The following MAP4 variants were observed in gnomAD, a reference collection of about 807,000 sequenced individuals.
MAP4 encodes microtubule associated protein 4.
A neutral mutation model predicts 170.2 loss-of-function variants in MAP4; 76 were observed. The ratio of observed to expected loss-of-function variants is 0.45; its 90% CI spans 0.37 to 0.54. The LOEUF (loss-of-function observed/expected upper bound fraction) is 0.54. MAP4 is among the 20% of genes least tolerant of loss of function. MAP4 has a pLI of 0.00. For missense variants in MAP4, 2,506 were observed against 2,748.0 expected (o/e 0.91, Z 1.97); for synonymous variants, 909 against 994.5 (o/e 0.91, Z 1.62).
At chr3:48,021,935 C>A (rs906483667) in intron 1 of MAP4, among the ~76,000 whole-genome samples, 3 of 152,068 alleles carry the variant, frequency 2.0e-5, no homozygotes, top group African/African-American at 7.2e-5. Flanking sequence ...GTGGTACCTG[C>A]ACAATCACCA....
chr3:48,013,180 C>T (rs1365525140), intron 1 of MAP4, among the ~76,000 whole-genome samples: 1 of 151,920 alleles, frequency 6.6e-6, no homozygotes, highest in African/African-American at 2.4e-5. Context: ...ACTTACTATT[C>T]GGTTATGCCT....
Position 47,916,275 on chromosome 3 carries a change from T to C in MAP4, c.1552A>G (p.Lys518Glu). ...GTTTCTGGAGGTGGAGTCACATCCT[T>C]GCCCAGAGCCATTTCTGTTTCTGAT... is the stretch of plus-strand genomic sequence containing the variant. ...PLSETEMALGKDVTPPPETEV... is the reference protein window; with the variant it reads ...PLSETEMALGEDVTPPPETEV... Residue 518 changes from lysine to glutamate, a missense_variant, in exon 7 of 21, where the codon AAG becomes GAG. Lys to Glu is a moderately conservative substitution (Grantham distance 56, BLOSUM62 1). Coordinates refer to ENST00000683076, the MANE Select transcript of MAP4 (RefSeq NM_001385682.1). The C allele has an allele frequency of 6.2e-7, 1 of 1,614,238 alleles. No individual in the cohort carries two copies. The highest frequency in any genetic ancestry group is 8.5e-7 in the Non-Finnish European group (1 of 1,180,030).
intron 16 of MAP4, among the ~76,000 whole-genome samples, chr3:47,868,613 A>C (rs542058150): frequency 5.3e-4 from 80 of 152,310 alleles, no homozygotes; most frequent in Non-Finnish European, 7.5e-4. Context: ...TTCCAGGTTT[A>C]CAGAGGCAAG....
At chr3:47,971,428 G>A (rs552538692) in intron 3 of MAP4, among the ~76,000 whole-genome samples, 1 of 152,308 alleles carries the variant, frequency 6.6e-6, no homozygotes, top group South Asian at 2.1e-4. Context: ...AGATGAGATA[G>A]TGATGAAGCA....
chr3:47,965,044 C>T (rs1290401005), intron 3 of MAP4, among the ~76,000 whole-genome samples: 1 of 152,158 alleles, frequency 6.6e-6, no homozygotes, highest in African/African-American at 2.4e-5. Flanking sequence ...TGGGAACCAC[C>T]ATTCTACTTT....
intron 1 of MAP4, among the ~76,000 whole-genome samples, chr3:48,044,343 G>A (rs895405936): frequency 6.6e-6 from 1 of 150,612 alleles, no homozygotes. Flanking sequence ...TTTTAGTAGA[G>A]ACGGGGTTTC....
chr3:47,891,819 C>T (rs932943974), intron 10 of MAP4: 10 of 1,536,168 alleles, frequency 6.5e-6, no homozygotes, highest in Non-Finnish European at 6.1e-6. Context: ...TTCAGCTGCT[C>T]AGAGTTATCA....
At chr3:47,933,701 C>A (rs896993033) in intron 3 of MAP4, among the ~76,000 whole-genome samples, 4 of 151,550 alleles carry the variant, frequency 2.6e-5, no homozygotes, top group African/African-American at 7.3e-5. Flanking sequence ...CCCAGATTCA[C>A]GCCATTCTCC....
At chr3:47,995,310 G>GCACGCTCTCCACTCACTGC (rs1238385613) in intron 2 of MAP4, among the ~76,000 whole-genome samples, 21 of 148,554 alleles carry the variant, frequency 1.4e-4, no homozygotes, top group Non-Finnish European at 2.7e-4. Context: ...GAGTGCAGTG[G>GCACGCTCTCCACTCACTGC]CACGCTCTCC....
chr3:47,958,087 A>T (rs544590334), intron 3 of MAP4, among the ~76,000 whole-genome samples: 2 of 152,216 alleles, frequency 1.3e-5, no homozygotes, highest in Non-Finnish European at 2.9e-5. Context: ...CTGAACCAAC[A>T]GGCTGAACCT....
chr3:47,999,695 G>A (rs1425322230), intron 1 of MAP4, among the ~76,000 whole-genome samples: 1 of 152,120 alleles, frequency 6.6e-6, no homozygotes, highest in Non-Finnish European at 1.5e-5. Context: ...GGGTCTCCTG[G>A]AGGGTGGAGG....
intron 1 of MAP4, chr3:48,039,528 A>G (rs2100120566): frequency 6.6e-6 from 1 of 152,526 alleles, no homozygotes; most frequent in South Asian, 2.1e-4. Context: ...ATATCAATAA[A>G]CACATATGGA....
intron 3 of MAP4, among the ~76,000 whole-genome samples, chr3:47,941,362 G>C (rs1292655104): frequency 2.0e-5 from 3 of 151,348 alleles, no homozygotes; most frequent in Non-Finnish European, 2.9e-5. Flanking sequence ...CTACATATTT[G>C]TGTGAAATGG....
chr3:47,858,030 T>C (rs2059499027), intron 17 of MAP4, among the ~76,000 whole-genome samples: 1 of 150,468 alleles, frequency 6.6e-6, no homozygotes, highest in Non-Finnish European at 1.5e-5. Context: ...ACTTTTTTTT[T>C]TTTTTTTTTT....
intron 1 of MAP4, among the ~76,000 whole-genome samples, chr3:48,056,829 C>T (rs1429800977): frequency 3.2e-5 from 3 of 93,240 alleles, no homozygotes; most frequent in East Asian, 4.0e-4. Context: ...CCGACCCGTC[C>T]GGGAGGGAGG....
chr3:47,916,868 A>T lies in MAP4; in HGVS notation c.959T>A (p.Val320Asp). The T allele has an allele frequency of 6.2e-7, 1 of 1,614,206 alleles. No individual in the cohort carries two copies. Residue 320 changes from valine to aspartate, a missense_variant, in exon 7 of 21, where the codon GTC becomes GAC. Physicochemically the swap from Val to Asp is radical, Grantham distance 152. Around this residue, in one of 3 missense-constraint regions of MAP4, gnomAD observed 2,008 missense variants for 2,206.0 expected, o/e 0.91. Coordinates refer to ENST00000683076, the MANE Select transcript of MAP4 (RefSeq NM_001385682.1). ...TEKEVALVKD[V>D]RWPTETDVSS... ...TACATCTGTTTCTGTGGGCCATCTG[A>T]CATCCTTAACCAGGGCCACTTCTTT...
chr3:48,008,714 C>T (rs971378711), intron 1 of MAP4, among the ~76,000 whole-genome samples: 1 of 152,176 alleles, frequency 6.6e-6, no homozygotes, highest in Non-Finnish European at 1.5e-5. Flanking sequence ...GATAGGATGA[C>T]CCATTTTGTG....
At chr3:48,020,161 C>T (rs1482389922), upstream of MAP4, among the ~76,000 whole-genome samples, 1 of 152,296 alleles carries the variant, frequency 6.6e-6, no homozygotes, top group East Asian at 1.9e-4. Flanking sequence ...GTTGGGATTA[C>T]AGGTGTGAGC....
chr3:48,074,224 C>T (rs1484179871), intron 1 of MAP4, among the ~76,000 whole-genome samples: 3 of 146,768 alleles, frequency 2.0e-5, no homozygotes, highest in East Asian at 2.0e-4. Flanking sequence ...AACCAAACAC[C>T]GCATGTTCTC....
Sources: gnomAD v4.1 joint callset for allele counts (sites outside exome capture counted in the v4.1 genomes callset) on GRCh38, gnomAD v4.1.1 for gene constraint, gnomAD v4.1.1 regional missense constraint, MANE v1.5 for transcripts, NCBI Gene and HGNC (gene_info 2026-07-23, HGNC 2026-07-21) for gene names.